Variants in CCDC171 observed in about 807,000 individuals in gnomAD.
CCDC171 encodes the protein coiled-coil domain containing 171.
Under a neutral mutation model 168.2 loss-of-function variants are expected in CCDC171, and 177 were observed. The ratio of observed to expected loss-of-function variants is 1.05; its 90% CI spans 0.93 to 1.19. The LOEUF is 1.19. Among genes scored for constraint, CCDC171 ranks in the 50% most tolerant of loss-of-function variants. The pLI is 0.00. For missense variants in CCDC171, 1,991 were observed against 1,539.0 expected, an observed-to-expected ratio of 1.29 and a Z score of -4.91; for synonymous variants, 687 against 540.8, an observed-to-expected ratio of 1.27 and a Z score of -3.75.
At chr9:16,107,447 G>GC in the CCDC171 span, among the ~76,000 whole-genome samples, 7 of 151,920 alleles carry the variant, frequency 4.6e-5, no homozygotes, top group Non-Finnish European at 2.9e-5. Context: ...GTATGATATT[G>GC]CCCCCATGGA....
chr9:15,975,592 C>G (rs899144723), downstream of CCDC171, among the ~76,000 whole-genome samples: 5 of 152,094 alleles, frequency 3.3e-5, no homozygotes, highest in Non-Finnish European at 7.4e-5. Context: ...GCCAAAAGAC[C>G]ACACAGATAC....
chr9:15,573,186 G>A (rs1587056554), intron 3 of CCDC171, among the ~76,000 whole-genome samples: 1 of 152,300 alleles, frequency 6.6e-6, no homozygotes, highest in East Asian at 1.9e-4. Flanking sequence ...TATCTAAGGA[G>A]CAGTGGTATT....
chr9:15,625,427 T>C (rs1377055122), intron 7 of CCDC171, among the ~76,000 whole-genome samples: 1 of 152,220 alleles, frequency 6.6e-6, no homozygotes, highest in South Asian at 2.1e-4. Context: ...CTAGCTTTTC[T>C]TCTAGGGTTT....
At chr9:15,690,181 A>G (rs566114719) in intron 10 of CCDC171, among the ~76,000 whole-genome samples, 3 of 152,172 alleles carry the variant, frequency 2.0e-5, no homozygotes, top group Non-Finnish European at 4.4e-5. Context: ...ACACTGTTCT[A>G]AATCTAGATT....
At chr9:15,777,186 G>C (rs1002743238) in intron 18 of CCDC171, among the ~76,000 whole-genome samples, 15 of 152,196 alleles carry the variant, frequency 9.9e-5, no homozygotes, top group Admixed American at 7.9e-4. Flanking sequence ...AGTAATTGTA[G>C]TTGTAAAATT....
chr9:15,619,043 G>C (rs2044311246), intron 6 of CCDC171, among the ~76,000 whole-genome samples: 1 of 152,046 alleles, frequency 6.6e-6, no homozygotes, highest in African/African-American at 2.4e-5. Context: ...GCCTGCATAA[G>C]GTGATGTACT....
At chr9:15,867,399 A>G (rs1008397714) in intron 23 of CCDC171, among the ~76,000 whole-genome samples, 7 of 152,082 alleles carry the variant, frequency 4.6e-5, no homozygotes, top group African/African-American at 1.7e-4. Flanking sequence ...AAGTTGAAAC[A>G]TGATCCTCTG....
intron 21 of CCDC171, among the ~76,000 whole-genome samples, chr9:15,815,170 C>G (rs2059517641): frequency 6.6e-6 from 1 of 152,244 alleles, no homozygotes; most frequent in East Asian, 1.9e-4. Flanking sequence ...TGTCTTTCAT[C>G]CCATCAAGCT....
intron 21 of CCDC171, among the ~76,000 whole-genome samples, chr9:15,786,608 C>A (rs1341457926): frequency 6.6e-6 from 1 of 152,130 alleles, no homozygotes; most frequent in Non-Finnish European, 1.5e-5. Flanking sequence ...TGAGCTGAAG[C>A]TCAGCCATTG....
chr9:15,947,313 T>C (rs1234179722), intron 25 of CCDC171, among the ~76,000 whole-genome samples: 1 of 152,004 alleles, frequency 6.6e-6, no homozygotes, highest in African/African-American at 2.4e-5. Context: ...AAATACACTT[T>C]TAAAATACCC....
downstream of CCDC171, among the ~76,000 whole-genome samples, chr9:16,064,490 G>T (rs1311228702): frequency 1.3e-5 from 2 of 152,138 alleles, no homozygotes; most frequent in Non-Finnish European, 2.9e-5. Context: ...GAAGGAAAGA[G>T]GCGAAAGGGC....
intron 10 of CCDC171, among the ~76,000 whole-genome samples, chr9:15,690,661 G>A (rs1407525168): frequency 6.6e-6 from 1 of 152,090 alleles, no homozygotes; most frequent in Non-Finnish European, 1.5e-5. Flanking sequence ...TTGCACACTT[G>A]ATCACTTGAA....
chr9:15,676,402 C>T (rs772806224), intron 9 of CCDC171, among the ~76,000 whole-genome samples: 26 of 152,044 alleles, frequency 1.7e-4, no homozygotes, highest in Admixed American at 1.5e-3. Flanking sequence ...ATTCTCCATC[C>T]GGTTTTGTTC....
chr9:16,060,170 C>T (rs190586951), intron 1 of CCDC171, among the ~76,000 whole-genome samples: 3 of 152,222 alleles, frequency 2.0e-5, no homozygotes, highest in South Asian at 4.1e-4. Flanking sequence ...GTGGCTGGAC[C>T]TGCACTCAGA....
chr9:15,757,733 C>A (rs901262374), intron 18 of CCDC171, among the ~76,000 whole-genome samples: 2 of 152,168 alleles, frequency 1.3e-5, no homozygotes, highest in African/African-American at 4.8e-5. Flanking sequence ...CCAGGGTCCC[C>A]CGTGCTGTGG....
chr9:15,552,929 G>A (rs1280572302), upstream of CCDC171, among the ~76,000 whole-genome samples: 1 of 152,160 alleles, frequency 6.6e-6, no homozygotes, highest in African/African-American at 2.4e-5. Context: ...CTTGGCGGGC[G>A]GGCTCTTCCA....
chr9:15,617,526 G>A (rs7033545), intron 6 of CCDC171, among the ~76,000 whole-genome samples: 4,305 of 151,834 alleles, frequency 0.028, 199 homozygotes, highest in African/African-American at 0.099. Context: ...ACAGGTGCAC[G>A]CCACCACACC....
the CCDC171 span, among the ~76,000 whole-genome samples, chr9:16,075,358 C>T: frequency 2.6e-5 from 4 of 152,068 alleles, no homozygotes; most frequent in African/African-American, 9.7e-5. Context: ...TTTCCTGTTC[C>T]TTATTCATAT....
At chr9:15,664,297 G>A (rs1278371326) in intron 8 of CCDC171, among the ~76,000 whole-genome samples, 2 of 152,110 alleles carry the variant, frequency 1.3e-5, no homozygotes, top group Non-Finnish European at 2.9e-5. Flanking sequence ...AACCCAGGCT[G>A]GGGTGCAGTG....
Sources: allele counts gnomAD v4.1 joint callset (sites outside exome capture counted in the v4.1 genomes callset), GRCh38; gene constraint gnomAD v4.1.1; transcripts MANE v1.5; gene names NCBI Gene and HGNC (gene_info 2026-07-23, HGNC 2026-07-21).